The following PNPLA8 variants were observed in gnomAD, a reference collection of about 807,000 sequenced individuals.
PNPLA8 encodes patatin like domain 8, phospholipase A2.
In PNPLA8, 39 loss-of-function variants were observed where a neutral mutation model predicts 76.9. The ratio of observed to expected loss-of-function variants is 0.51; its 90% CI spans 0.39 to 0.66. The LOEUF is 0.66. Among genes scored for constraint, PNPLA8 ranks in the 30% least tolerant of loss-of-function variants. PNPLA8 has a pLI of 0.00. For missense variants in PNPLA8, 887 were observed against 918.0 expected, an observed-to-expected ratio of 0.97 and a Z score of 0.44; for synonymous variants, 301 against 307.9, an observed-to-expected ratio of 0.98 and a Z score of 0.24.
intron 2 of PNPLA8, among the ~76,000 whole-genome samples, chr7:108,521,175 G>GA (rs1342031407): frequency 1.3e-5 from 2 of 151,932 alleles, no homozygotes; most frequent in Non-Finnish European, 2.9e-5. Context: ...TTTAGAAATA[G>GA]AAAAAAATTA....
At position 108,479,314 on chromosome 7, in the gene PNPLA8, T is replaced by C. The variant is rs771282623; in HGVS notation, c.1944A>G (p.Pro648=). Residue 648 remains proline (P), a synonymous_variant, in exon 10 of 11, where the codon CCA becomes CCG. Transcript: ENST00000257694. ...ATACTATGCACTCTAACGGCACATC[T>C]GGCCAAAGACATTTACACTCATGCA... ...LAMHECKCLW[P]DVPLECIVSL... The C allele has an allele frequency of 6.2e-7, 1 of 1,613,558 alleles. No individual in the cohort carries two copies. The highest frequency in any genetic ancestry group is 8.5e-7 in the Non-Finnish European group (1 of 1,179,452).
At chr7:108,482,653 G>A (rs187603337) in intron 9 of PNPLA8, among the ~76,000 whole-genome samples, 43 of 152,160 alleles carry the variant, frequency 2.8e-4, no homozygotes, top group African/African-American at 9.6e-4. Context: ...TTCAATAATG[G>A]TATGCCTTTC....
chr7:108,472,613 T>C lies in PNPLA8; in HGVS notation c.2137A>G (p.Met713Val). ...TCATCTAGAGGTATGTTTTCACACA[T>C]TACAGGATTGAATCTAAAATAGGTG... ...PDTYFRFNPV[M>V]CENIPLDESR... The change falls in exon 11 of 11, where the codon ATG (methionine) becomes GTG (valine). Residue 713 changes from methionine (M) to valine (V), a missense_variant. Transcript: ENST00000257694. 1 of 1,606,954 alleles carries C rather than the reference T, an allele frequency of 6.2e-7. No homozygotes were observed. The highest frequency in any genetic ancestry group is 1.1e-5 in the South Asian group (1 of 88,480).
At chr7:108,488,287 A>C (rs1430139358) in intron 8 of PNPLA8, among the ~76,000 whole-genome samples, 1 of 152,214 alleles carries the variant, frequency 6.6e-6, no homozygotes, top group South Asian at 2.1e-4. Flanking sequence ...AATGAATAAA[A>C]ACTGCTTAAA....
In PNPLA8 at chr7:108,497,472, A is replaced by C. The variant is rs368765287; in HGVS notation, c.1453+11T>G. On this transcript the variant is annotated intron_variant, in intron 6 of 10. Coordinates refer to ENST00000257694, the MANE Select transcript of PNPLA8 (RefSeq NM_001256007.3). ...TGCCAGAATGCACCACTTCCATATA[A>C]TAATAATTACCTGTGCTTACACCAC... 1.6e-5 allele frequency: 24 copies of C among 1,526,914 alleles called. 1 individual carries two copies. Among genetic ancestry groups the C allele is most frequent in the South Asian group, 1.1e-4 (10 of 87,306 alleles). 94.6% of individuals were successfully genotyped at this position (1,526,914 alleles called of 1,614,324 possible). A position where few individuals can be genotyped will look rare whatever the true frequency, so the allele number is the denominator to read the frequency against.
At chr7:108,479,061 G>A in intron 10 of PNPLA8, 123 bp downstream of exon 10, 1 of 651,438 alleles carries the variant, frequency 1.5e-6, no homozygotes, top group South Asian at 2.0e-5. Flanking sequence ...TTCCTCCCAT[G>A]TACTTCCTAA....
At chr7:108,519,407 A>C (rs1182586641) in intron 2 of PNPLA8, among the ~76,000 whole-genome samples, 1 of 152,112 alleles carries the variant, frequency 6.6e-6, no homozygotes, top group Non-Finnish European at 1.5e-5. Flanking sequence ...CAAACAGAAG[A>C]AAGCATGTAA....
chr7:108,501,016 T>C (rs1303033378), intron 5 of PNPLA8, among the ~76,000 whole-genome samples: 4 of 152,166 alleles, frequency 2.6e-5, no homozygotes, highest in South Asian at 2.1e-4. Flanking sequence ...TTCCTTCATA[T>C]TGATGTCAAA....
At position 108,493,421 on chromosome 7, in the gene PNPLA8, A is replaced by T. The variant is rs572314499; in HGVS notation, c.1626-1954T>A. Reference sequence around the variant, plus strand: ...ATAGATATGAATTTTATATATATATATTTTTTGAGACGGAGTCTCGCTCTG... The same window carrying T: ...ATAGATATGAATTTTATATATATATTTTTTTTGAGACGGAGTCTCGCTCTG... On this transcript the variant is annotated intron_variant, in intron 7 of 10. Coordinates refer to ENST00000257694, the MANE Select transcript of PNPLA8 (RefSeq NM_001256007.3). 9.2e-5 allele frequency among the ~76,000 whole-genome samples: 14 copies of T among 151,922 alleles called. No individual in the cohort carries two copies. The East Asian group carries it at 1.4e-3, about 15-fold the overall frequency.
chr7:108,522,404 T>C (rs1033911818), intron 1 of PNPLA8, among the ~76,000 whole-genome samples: 1 of 152,192 alleles, frequency 6.6e-6, no homozygotes, highest in African/African-American at 2.4e-5. Context: ...CCACACCTCC[T>C]TATGGTAACC....
chr7:108,520,322 T>C (rs1165403439), intron 2 of PNPLA8, among the ~76,000 whole-genome samples: 5 of 152,188 alleles, frequency 3.3e-5, no homozygotes, highest in East Asian at 3.9e-4. Flanking sequence ...TAATATAAAA[T>C]ACTTGTGGAT....
chr7:108,487,282 G>A (rs1860802564), intron 9 of PNPLA8, among the ~76,000 whole-genome samples: 1 of 152,130 alleles, frequency 6.6e-6, no homozygotes, highest in Non-Finnish European at 1.5e-5. Flanking sequence ...TACCTCGTAA[G>A]TAGCAAGGAT....
At chr7:108,506,608 A>G (rs1158185376) in intron 4 of PNPLA8, among the ~76,000 whole-genome samples, 1 of 152,200 alleles carries the variant, frequency 6.6e-6, no homozygotes, top group Non-Finnish European at 1.5e-5. Flanking sequence ...TACTACTACT[A>G]AATATTCCCA....
In PNPLA8 at chr7:108,482,348, T is replaced by G. The variant is rs148489450; in HGVS notation, c.1879-2969A>C. Reference sequence around the variant, plus strand: ...TTAGCTGGGGGTGGTGGCGCACACCTGTAGTCCCAGCTACTCAGGAGGCTG... The same window carrying G: ...TTAGCTGGGGGTGGTGGCGCACACCGGTAGTCCCAGCTACTCAGGAGGCTG... On this transcript the variant is annotated intron_variant, in intron 9 of 10. Coordinates refer to ENST00000257694, the MANE Select transcript of PNPLA8 (RefSeq NM_001256007.3). Among the ~76,000 whole-genome samples, 1,503 of 152,224 alleles carry G rather than the reference T, an allele frequency of 9.9e-3. 25 individuals carry two copies. The highest frequency in any genetic ancestry group is 0.034 in the African/African-American group (1,398 of 41,524).
At chr7:108,507,785 G>A (rs2154516299) in intron 4 of PNPLA8, among the ~76,000 whole-genome samples, 1 of 152,116 alleles carries the variant, frequency 6.6e-6, no homozygotes, top group Non-Finnish European at 1.5e-5. Context: ...CTAAAATACT[G>A]GCAAACCGAA....
chr7:108,521,226 A>T (rs1335437611), intron 2 of PNPLA8, among the ~76,000 whole-genome samples: 1 of 152,230 alleles, frequency 6.6e-6, no homozygotes, highest in East Asian at 1.9e-4. Flanking sequence ...GAAGGAAAAT[A>T]AAGAGTCGAA....
At chr7:108,505,521 C>G (rs1300380737) in intron 4 of PNPLA8, among the ~76,000 whole-genome samples, 1 of 150,700 alleles carries the variant, frequency 6.6e-6, no homozygotes, top group Non-Finnish European at 1.5e-5. Flanking sequence ...CGCCACCAAG[C>G]CCAGCTAATT....
intron 1 of PNPLA8, among the ~76,000 whole-genome samples, chr7:108,525,320 T>C (rs1864000131): frequency 1.3e-5 from 2 of 152,198 alleles, no homozygotes; most frequent in South Asian, 4.1e-4. Context: ...AGAACCAGGA[T>C]ACAACTGTTT....
At position 108,515,369 on chromosome 7, in the gene PNPLA8, T is replaced by G; in HGVS notation, c.123A>C (p.Ile41=). ...AACCTCTTTGTAGACTGATGTGGCT[T>G]ATCCTCCAGTAATGCTTAGGTGAGA... The part of the protein sequence containing the change: ...FLFSPKHYWR[I]SHISLQRGFH... The change falls in exon 3 of 11, where the codon ATA becomes ATC. Residue 41 remains isoleucine (I), a synonymous_variant. Transcript: ENST00000257694. The G allele has an allele frequency of 6.2e-7, 1 of 1,613,508 alleles. No individual in the cohort carries two copies. The highest frequency in any genetic ancestry group is 2.2e-5 in the East Asian group (1 of 44,854).
Sources: gnomAD v4.1 joint callset for allele counts (sites outside exome capture counted in the v4.1 genomes callset) on GRCh38, gnomAD v4.1.1 for gene constraint, MANE v1.5 for transcripts, NCBI Gene and HGNC (gene_info 2026-07-23, HGNC 2026-07-21) for gene names.